Variants in CTNND2 observed in about 807,000 individuals in gnomAD.
CTNND2 encodes the protein catenin delta-2.
CTNND2 carries 22 observed loss-of-function variants against 144.4 expected under a neutral mutation model. That is an observed-to-expected ratio of 0.15 (90% CI 0.11 to 0.22). The LOEUF is 0.22. Ranked by LOEUF, CTNND2 falls within the 10% of genes least tolerant of loss-of-function variation. The probability of loss-of-function intolerance (pLI) is 1.00; values close to 1 mark genes in which losing one functional copy is unlikely to be tolerated. For synonymous variants in CTNND2, 751 were observed against 695.6 expected, an observed-to-expected ratio of 1.08 and a Z score of -1.25; for missense variants, 1,353 against 1,618.8, an observed-to-expected ratio of 0.84 and a Z score of 2.82.
At chr5:11,239,410 A>T (rs577163141) in intron 9 of CTNND2, among the ~76,000 whole-genome samples, 3 of 152,130 alleles carry the variant, frequency 2.0e-5, no homozygotes, top group Non-Finnish European at 2.9e-5. Context: ...CCCTGTCCCC[A>T]AGCCCAAAAC....
chr5:11,820,002 G>C (rs1793226440), intron 1 of CTNND2, among the ~76,000 whole-genome samples: 1 of 152,138 alleles, frequency 6.6e-6, no homozygotes, highest in African/African-American at 2.4e-5. Context: ...CTGTCTTTCA[G>C]GACTTGTGGT....
intron 9 of CTNND2, among the ~76,000 whole-genome samples, chr5:11,268,859 A>T (rs1478269974): frequency 1.3e-5 from 2 of 152,122 alleles, no homozygotes; most frequent in African/African-American, 4.8e-5. Context: ...GCAGGGAGCA[A>T]TGTGCACACT....
intron 2 of CTNND2, among the ~76,000 whole-genome samples, chr5:11,622,159 C>A (rs1032547134): frequency 1.3e-5 from 2 of 152,088 alleles, no homozygotes; most frequent in Admixed American, 1.3e-4. Flanking sequence ...AATTACCCAA[C>A]ATAAATTTCT....
chr5:11,648,129 A>G (rs1782459652), intron 2 of CTNND2, among the ~76,000 whole-genome samples: 2 of 150,528 alleles, frequency 1.3e-5, no homozygotes, highest in African/African-American at 2.4e-5. Context: ...TCTCTCTGTC[A>G]TCTGTAAACT....
intron 9 of CTNND2, among the ~76,000 whole-genome samples, chr5:11,279,251 C>A (rs1746869116): frequency 6.6e-6 from 1 of 152,098 alleles, no homozygotes; most frequent in African/African-American, 2.4e-5. Flanking sequence ...CATTTGAAAC[C>A]AAATATGACC....
chr5:11,185,563 TG>T (rs1373463983), intron 11 of CTNND2, among the ~76,000 whole-genome samples: 1 of 152,172 alleles, frequency 6.6e-6, no homozygotes, highest in Non-Finnish European at 1.5e-5. Flanking sequence ...GGCACACAGT[TG>T]ATGTACACAG....
chr5:11,299,282 A>G (rs258635), intron 9 of CTNND2, among the ~76,000 whole-genome samples: 27,338 of 152,066 alleles, frequency 0.18, 2,869 homozygotes, highest in African/African-American at 0.28. Flanking sequence ...CCATTTGTGT[A>G]TCTGTCATAG....
chr5:11,874,489 C>T (rs1298381819), intron 1 of CTNND2, among the ~76,000 whole-genome samples: 6 of 152,094 alleles, frequency 3.9e-5, no homozygotes, highest in Non-Finnish European at 8.8e-5. Flanking sequence ...TGCACTGGAG[C>T]CATTATTAAG....
At chr5:11,386,541 A>C (rs924162210) in intron 6 of CTNND2, among the ~76,000 whole-genome samples, 1 of 152,222 alleles carries the variant, frequency 6.6e-6, no homozygotes, top group African/African-American at 2.4e-5. Context: ...CAACATCAAA[A>C]TTCTCTATTA....
chr5:11,643,959 A>G (rs1464538607), intron 2 of CTNND2, among the ~76,000 whole-genome samples: 2 of 152,174 alleles, frequency 1.3e-5, no homozygotes, highest in East Asian at 3.9e-4. Context: ...AACTTTTTGA[A>G]TAGGAGAAGA....
At chr5:11,652,443 C>G (rs1782692494) in intron 2 of CTNND2, among the ~76,000 whole-genome samples, 1 of 152,120 alleles carries the variant, frequency 6.6e-6, no homozygotes, top group Non-Finnish European at 1.5e-5. Context: ...TAAGAATGGA[C>G]TAATACAGTC....
intron 2 of CTNND2, among the ~76,000 whole-genome samples, chr5:11,580,702 C>G (rs1046825529): frequency 6.6e-6 from 1 of 152,158 alleles, no homozygotes; most frequent in African/African-American, 2.4e-5. Flanking sequence ...CCAATGCATA[C>G]CATTCCATGG....
chr5:11,637,152 T>C (rs942514547), intron 2 of CTNND2, among the ~76,000 whole-genome samples: 1 of 152,130 alleles, frequency 6.6e-6, no homozygotes, highest in African/African-American at 2.4e-5. Context: ...CAAAAAACAA[T>C]CATTACCTTG....
intron 13 of CTNND2, among the ~76,000 whole-genome samples, 200 bp from the exon 14 acceptor site, chr5:11,111,243 C>A (rs1268778660): frequency 1.3e-5 from 2 of 152,128 alleles, no homozygotes; most frequent in Non-Finnish European, 1.5e-5. Context: ...CTTTTATCCC[C>A]CACAAATAAA....
intron 3 of CTNND2, among the ~76,000 whole-genome samples, chr5:11,478,571 A>G (rs1767970407): frequency 6.6e-6 from 1 of 152,236 alleles, no homozygotes. Flanking sequence ...CAGAGAAAAC[A>G]GCTTTTCTTT....
At chr5:11,565,564 A>G (rs977954784) in intron 2 of CTNND2, among the ~76,000 whole-genome samples, 6 of 151,436 alleles carry the variant, frequency 4.0e-5, no homozygotes, top group African/African-American at 1.2e-4. Flanking sequence ...ATGCTTTATA[A>G]CCCACACTCT....
intron 20 of CTNND2, among the ~76,000 whole-genome samples, chr5:10,982,806 A>G (rs1737453341): frequency 6.6e-6 from 1 of 152,252 alleles, no homozygotes; most frequent in South Asian, 2.1e-4. Flanking sequence ...ACAATAGAGT[A>G]CTGTTTGGCC....
At chr5:11,179,081 T>C (rs13179953) in intron 11 of CTNND2, among the ~76,000 whole-genome samples, 45,384 of 152,038 alleles carry the variant, frequency 0.3, 6,931 homozygotes, top group Middle Eastern at 0.34. Flanking sequence ...TACAGTCTCT[T>C]GGATGGACAC....
chr5:11,689,658 G>T (rs1379381711), intron 2 of CTNND2, among the ~76,000 whole-genome samples: 2 of 151,820 alleles, frequency 1.3e-5, no homozygotes, highest in East Asian at 3.9e-4. Flanking sequence ...TAGTCTAATA[G>T]GTCTTTTATT....
Sources: gnomAD v4.1 joint callset for allele counts (sites outside exome capture counted in the v4.1 genomes callset) on GRCh38, gnomAD v4.1.1 for gene constraint, MANE v1.5 for transcripts, NCBI Gene and HGNC (gene_info 2026-07-23, HGNC 2026-07-21) for gene names.